The following STEAP1B variants were observed in gnomAD, a reference collection of about 807,000 sequenced individuals.
The protein encoded by STEAP1B is STEAP family protein MGC87042.
In STEAP1B, 13 loss-of-function variants were observed where a neutral mutation model predicts 27.9. The ratio of observed to expected loss-of-function variants is 0.47; its 90% CI spans 0.30 to 0.74. The LOEUF (loss-of-function observed/expected upper bound fraction) is 0.74, where lower values mean the gene tolerates loss of function less well. Ranked by LOEUF, STEAP1B falls within the 30% of genes least tolerant of loss-of-function variation. STEAP1B has a pLI of 0.06. For missense variants in STEAP1B, 250 were observed against 298.7 expected, an observed-to-expected ratio of 0.84 and a Z score of 1.20; for synonymous variants, 86 against 107.1, an observed-to-expected ratio of 0.80 and a Z score of 1.22.
intron 4 of STEAP1B, among the ~76,000 whole-genome samples, chr7:22,489,885 A>G (rs557240098): frequency 1.3e-5 from 2 of 152,314 alleles, no homozygotes; most frequent in Admixed American, 1.3e-4. Context: ...GATTCCTCCT[A>G]TCCGTATATC....
intron 4 of STEAP1B, among the ~76,000 whole-genome samples, chr7:22,465,613 G>A (rs1363711023): frequency 6.7e-6 from 1 of 148,956 alleles, no homozygotes; most frequent in Non-Finnish European, 1.5e-5. Context: ...ACATGCAGTA[G>A]GGGTTCTCTG....
intron 4 of STEAP1B, among the ~76,000 whole-genome samples, chr7:22,465,822 G>A (rs1426904666): frequency 1.3e-5 from 2 of 152,222 alleles, no homozygotes; most frequent in African/African-American, 4.8e-5. Flanking sequence ...GGCTGGATGA[G>A]ATAACCGCAT....
At chr7:22,466,426 GACA>G (rs1433946657) in intron 4 of STEAP1B, among the ~76,000 whole-genome samples, 2 of 132,972 alleles carry the variant, frequency 1.5e-5, no homozygotes, top group Non-Finnish European at 3.0e-5. Flanking sequence ...TTGTGTCCAT[GACA>G]ACATGTTGTT....
chr7:22,435,719 T>G (rs900992418), intron 4 of STEAP1B, among the ~76,000 whole-genome samples: 1 of 152,218 alleles, frequency 6.6e-6, no homozygotes, highest in Non-Finnish European at 1.5e-5. Context: ...AGCTCACCTG[T>G]GCACGATACG....
intron 4 of STEAP1B, among the ~76,000 whole-genome samples, chr7:22,436,123 G>A (rs4318962): frequency 0.28 from 42,498 of 152,092 alleles, 7,047 homozygotes; most frequent in Non-Finnish European, 0.35. Context: ...TTATCCAGCC[G>A]TAGGGTTTTT....
At chr7:22,457,942 C>T (rs949569269) in intron 4 of STEAP1B, among the ~76,000 whole-genome samples, 1 of 152,210 alleles carries the variant, frequency 6.6e-6, no homozygotes, top group East Asian at 1.9e-4. Flanking sequence ...AAAACCCCAA[C>T]AGGATAAACC....
At chr7:22,486,329 G>A (rs909912881) in intron 4 of STEAP1B, among the ~76,000 whole-genome samples, 2 of 152,174 alleles carry the variant, frequency 1.3e-5, no homozygotes, top group Non-Finnish European at 1.5e-5. Flanking sequence ...TGTCTGGAAG[G>A]CCAAATAAAC....
chr7:22,456,972 A>ATATATATATATATATATATATTTTT, intron 4 of STEAP1B, among the ~76,000 whole-genome samples: 1 of 57,076 alleles, frequency 1.8e-5, no homozygotes, highest in African/African-American at 7.0e-5. Context: ...ATATATATAT[A>ATATATATATATATATATATATTTTT]TTTTTTTTTT....
intron 4 of STEAP1B, among the ~76,000 whole-genome samples, chr7:22,429,855 CAATGGGCTT>C (rs1785155674): frequency 6.6e-6 from 1 of 151,950 alleles, no homozygotes; most frequent in South Asian, 2.1e-4. Context: ...GTAGTGTGTC[CAATGGGCTT>C]AACAGGCCTG....
At chr7:22,439,880 T>C (rs1785306179) in intron 4 of STEAP1B, among the ~76,000 whole-genome samples, 2 of 152,088 alleles carry the variant, frequency 1.3e-5, no homozygotes, top group African/African-American at 4.8e-5. Flanking sequence ...ATCAATCAAA[T>C]GAAAAAACCT....
At chr7:22,475,387 G>A (rs1240430176) in intron 4 of STEAP1B, among the ~76,000 whole-genome samples, 3 of 152,328 alleles carry the variant, frequency 2.0e-5, no homozygotes, top group Non-Finnish European at 4.4e-5. Flanking sequence ...GCTGGATTTC[G>A]TTCTGAGTCA....
chr7:22,471,673 G>C (rs1347161461), intron 4 of STEAP1B, among the ~76,000 whole-genome samples: 1 of 152,078 alleles, frequency 6.6e-6, no homozygotes, highest in Non-Finnish European at 1.5e-5. Context: ...GGGAGGCTGA[G>C]GTAGGATTAC....
chr7:22,490,419 C>T (rs1020331431), intron 4 of STEAP1B, among the ~76,000 whole-genome samples: 9 of 152,174 alleles, frequency 5.9e-5, no homozygotes, highest in African/African-American at 2.2e-4. Context: ...TGGGACTCTA[C>T]TAAATGGTCC....
intron 4 of STEAP1B, among the ~76,000 whole-genome samples, chr7:22,468,289 C>G (rs528300730): frequency 9.9e-5 from 15 of 152,038 alleles, no homozygotes; most frequent in Middle Eastern, 3.4e-3. Flanking sequence ...ATTCATTTAA[C>G]CCTCATATAA....
At chr7:22,464,102 T>C (rs1785729333) in intron 4 of STEAP1B, among the ~76,000 whole-genome samples, 1 of 152,372 alleles carries the variant, frequency 6.6e-6, no homozygotes, top group East Asian at 1.9e-4. Context: ...TTGAACTCTT[T>C]TCTCTTTTTA....
chr7:22,442,713 CT>C (rs1183342886), intron 4 of STEAP1B, among the ~76,000 whole-genome samples: 1 of 152,158 alleles, frequency 6.6e-6, no homozygotes, highest in East Asian at 1.9e-4. Context: ...TGACTTTGGG[CT>C]TGCTGAGTTT....
At chr7:22,487,258 C>G (rs927412098) in intron 4 of STEAP1B, among the ~76,000 whole-genome samples, 2 of 151,974 alleles carry the variant, frequency 1.3e-5, no homozygotes, top group Non-Finnish European at 2.9e-5. Flanking sequence ...GTGATCGCAC[C>G]ACTGTACTCC....
At chr7:22,485,462 C>T (rs59829150) in intron 4 of STEAP1B, among the ~76,000 whole-genome samples, 335 of 152,252 alleles carry the variant, frequency 2.2e-3, no homozygotes, top group African/African-American at 7.4e-3. Flanking sequence ...TTATTGTACA[C>T]TTAATAGACT....
chr7:22,483,814 G>T (rs56158392), intron 4 of STEAP1B, among the ~76,000 whole-genome samples: 4 of 152,098 alleles, frequency 2.6e-5, no homozygotes, highest in Non-Finnish European at 5.9e-5. Flanking sequence ...GCTGGTCGGT[G>T]GAGCAGTCAG....
Sources: gnomAD v4.1 joint callset for allele counts (sites outside exome capture counted in the v4.1 genomes callset) on GRCh38, gnomAD v4.1.1 for gene constraint, MANE v1.5 for transcripts, NCBI Gene and HGNC (gene_info 2026-07-23, HGNC 2026-07-21) for gene names.